The following ELFN1 variants were observed in gnomAD, a reference collection of about 807,000 sequenced individuals.
ELFN1 encodes the protein protein ELFN1.
In ELFN1, 6 loss-of-function variants were observed where a neutral mutation model predicts 7.6. That is an observed-to-expected ratio of 0.79 (90% CI 0.43 to 1.56). The LOEUF (loss-of-function observed/expected upper bound fraction) is 1.56. Among genes scored for constraint, ELFN1 ranks in the 40% most tolerant of loss-of-function variants. ELFN1 has a pLI of 0.01. For synonymous variants in ELFN1, 657 were observed against 588.1 expected (o/e 1.12, Z -1.70); for missense variants, 1,169 against 1,232.2 (o/e 0.95, Z 0.77).
intron 2 of ELFN1, chr7:1,693,629 C>T: frequency 2.1e-6 from 1 of 471,204 alleles, no homozygotes; most frequent in Non-Finnish European, 4.4e-6. Context: ...TCCGGCGGTG[C>T]CCAGTCCGTG....
chr7:1,732,200 A>G (rs1320844270), intron 3 of ELFN1, among the ~76,000 whole-genome samples: 1 of 152,174 alleles, frequency 6.6e-6, no homozygotes, highest in Non-Finnish European at 1.5e-5. Flanking sequence ...GGGGCTGAAC[A>G]GAGAAGCCCA....
chr7:1,742,586 TG>T (rs1447358999), intron 3 of ELFN1, among the ~76,000 whole-genome samples: 1 of 152,208 alleles, frequency 6.6e-6, no homozygotes. Flanking sequence ...CCGGACCACG[TG>T]GGGACCCCAT....
At chr7:1,696,102 T>TA (rs1779301804) in intron 2 of ELFN1, among the ~76,000 whole-genome samples, 1 of 152,238 alleles carries the variant, frequency 6.6e-6, no homozygotes, top group East Asian at 1.9e-4. Context: ...GGGTTGGTTC[T>TA]AGGAGGGCCA....
In ELFN1 at chr7:1,735,728, C is replaced by T. The variant is rs920051604; in HGVS notation, c.-293-8576C>T. Among the ~76,000 whole-genome samples, 3 of 152,058 alleles carry T rather than the reference C, an allele frequency of 2.0e-5. No individual in the cohort carries two copies. Among genetic ancestry groups the T allele is most frequent in the Non-Finnish European group, 4.4e-5 (3 of 67,982 alleles). The stretch of plus-strand genomic sequence containing the variant: ...GGAAAACCCACATATGTCCAGCGTG[C>T]GGCTCCATCTCCCATACTGCCTTGC... On this transcript the variant is annotated intron_variant, in intron 3 of 3. Transcript: ENST00000424383. The surrounding 1 kb of genome is among the most constrained non-coding windows in gnomAD (Gnocchi z 5.9).
Position 1,702,825 on chromosome 7 carries a change from T to C in ELFN1, c.-455-6266T>C, listed in dbSNP as rs529125955. Among the ~76,000 whole-genome samples the C allele has an allele frequency of 3.3e-5, 5 of 151,502 alleles. No individual in the cohort carries two copies. In the South Asian group the frequency reaches 6.2e-4, roughly 19 times the overall value. On this transcript the variant is annotated intron_variant, in intron 2 of 3. Transcript: ENST00000424383. ...ATTTTTGTTTCTTTTTCTTGCCTTA[T>C]TGCAATGGCTGCAGCTACTAGCACC...
chr7:1,670,377 C>A lies in ELFN1; in HGVS notation c.-549+23C>A, dbSNP rs572619218. Among the ~76,000 whole-genome samples the A allele has an allele frequency of 6.6e-6, 1 of 151,826 alleles. No individual in the cohort carries two copies. The highest frequency in any genetic ancestry group is 1.5e-5 in the Non-Finnish European group (1 of 67,848). On this transcript the variant is annotated intron_variant, in intron 1 of 3. Transcript: ENST00000424383. The surrounding 1 kb of genome is among the most constrained non-coding windows in gnomAD (Gnocchi z 6.4). ...CAGGTAAGCGGCGAGCGCGGCCGGG[C>A]GCTGAACCTGGGGGACTTGGGACCC...
upstream of ELFN1, among the ~76,000 whole-genome samples, chr7:1,666,835 G>T (rs1007936187): frequency 6.6e-6 from 1 of 151,844 alleles, no homozygotes; most frequent in Non-Finnish European, 1.5e-5. The surrounding 1 kb of genome is among the most constrained non-coding windows in gnomAD (Gnocchi z 7.9). Flanking sequence ...TTGAACCTCC[G>T]GAGGGGGTGT....
At position 1,745,180 on chromosome 7, in the gene ELFN1, C is replaced by T; in HGVS notation, c.584C>T (p.Ser195Phe). 6.5e-7 allele frequency: 1 copy of T among 1,547,892 alleles called. No individual in the cohort carries two copies. The highest frequency in any genetic ancestry group is 8.7e-7 in the Non-Finnish European group (1 of 1,146,976). The change falls in exon 4 of 4, where the codon TCC (serine) becomes TTC (phenylalanine). Residue 195 changes from serine to phenylalanine, a missense_variant. By Grantham distance (155) the Ser-to-Phe change is radical. Around this residue, in one of 2 missense-constraint regions of ELFN1, gnomAD observed 255 missense variants for 359.6 expected, o/e 0.71. Transcript: ENST00000424383. ...CELYSNPFYC[S>F]CELLGFLRWL... ...CTCTACAGCAACCCCTTCTACTGCT[C>T]CTGCGAGCTGCTGGGCTTCCTGCGC...
intron 3 of ELFN1, among the ~76,000 whole-genome samples, chr7:1,722,512 A>G (rs944629823): frequency 6.6e-6 from 1 of 151,042 alleles, no homozygotes; most frequent in African/African-American, 2.4e-5. Context: ...CTGGTGATCC[A>G]CCCCCCGCTC....
chr7:1,684,790 A>G (rs1293853251), intron 1 of ELFN1, among the ~76,000 whole-genome samples: 2 of 152,186 alleles, frequency 1.3e-5, no homozygotes, highest in Admixed American at 1.3e-4. Flanking sequence ...ATATTTCATT[A>G]ATATATGTTG....
chr7:1,720,007 A>G lies in ELFN1; in HGVS notation c.-294+10755A>G, dbSNP rs368120818. On this transcript the variant is annotated intron_variant, in intron 3 of 3. Coordinates refer to ENST00000424383, the MANE Select transcript of ELFN1 (RefSeq NM_001128636.4). ...TCACCTCTGCAAACCCTCCCCCACCATCTCCTCTGCAAACCCCAGCCCCAG... is the reference window on the plus strand; with the variant it reads ...TCACCTCTGCAAACCCTCCCCCACCGTCTCCTCTGCAAACCCCAGCCCCAG... Among the ~76,000 whole-genome samples, 111 of 135,056 alleles carry G rather than the reference A, an allele frequency of 8.2e-4. 3 individuals are homozygous for G. In the South Asian group the frequency reaches 0.027, roughly 33 times the overall value. 88.6% of individuals were successfully genotyped at this position (135,056 alleles called of 152,430 possible). A position where few individuals can be genotyped will look rare whatever the true frequency, so the allele number is the denominator to read the frequency against.
intron 3 of ELFN1, among the ~76,000 whole-genome samples, chr7:1,716,686 AC>A (rs892281793): frequency 6.6e-6 from 1 of 151,914 alleles, no homozygotes; most frequent in African/African-American, 2.4e-5. Flanking sequence ...CCCCCTGCAA[AC>A]TCAGCCCCAG....
chr7:1,712,339 C>G (rs1358183925), intron 3 of ELFN1, among the ~76,000 whole-genome samples: 1 of 152,094 alleles, frequency 6.6e-6, no homozygotes, highest in Non-Finnish European at 1.5e-5. Context: ...CCAGGGTGGT[C>G]TCGATCTCCT....
intron 3 of ELFN1, among the ~76,000 whole-genome samples, chr7:1,727,421 C>T (rs539793665): frequency 6.6e-6 from 1 of 152,248 alleles, no homozygotes; most frequent in South Asian, 2.1e-4. Flanking sequence ...TCCCTTTTCT[C>T]TTTTCCATGA....
intron 1 of ELFN1, among the ~76,000 whole-genome samples, chr7:1,679,291 G>A (rs1238370009): frequency 6.6e-6 from 1 of 152,164 alleles, no homozygotes; most frequent in Non-Finnish European, 1.5e-5. Flanking sequence ...GAGGGCCATA[G>A]CTACAGCCCA....
In ELFN1 at chr7:1,740,548, C is replaced by T. The variant is rs1383688649; in HGVS notation, c.-293-3756C>T. Reference sequence around the variant, plus strand: ...GGGCATCGAGAGTGACTTGAGTGAGCGAGCCCAGCTGGAAAGGGCTTTGGG... The same window carrying T: ...GGGCATCGAGAGTGACTTGAGTGAGTGAGCCCAGCTGGAAAGGGCTTTGGG... On this transcript the variant is annotated intron_variant, in intron 3 of 3. Transcript: ENST00000424383. The surrounding 1 kb of genome is among the most constrained non-coding windows in gnomAD (Gnocchi z 5.0). Among the ~76,000 whole-genome samples the T allele has an allele frequency of 6.6e-6, 1 of 152,154 alleles. No individual in the cohort carries two copies. Among genetic ancestry groups the T allele is most frequent in the Non-Finnish European group, 1.5e-5 (1 of 68,014 alleles).
At chr7:1,734,648 G>A (rs1009327459) in intron 3 of ELFN1, among the ~76,000 whole-genome samples, 3 of 152,162 alleles carry the variant, frequency 2.0e-5, no homozygotes, top group South Asian at 2.1e-4. Flanking sequence ...CTCCCACTCC[G>A]GGGCCTGCCT....
chr7:1,728,217 C>T (rs1780248594), intron 3 of ELFN1, among the ~76,000 whole-genome samples: 1 of 152,196 alleles, frequency 6.6e-6, no homozygotes, highest in Non-Finnish European at 1.5e-5. Flanking sequence ...TGCACTGTAG[C>T]CCTGGGAGTG....
upstream of ELFN1, among the ~76,000 whole-genome samples, chr7:1,666,498 G>T (rs1225847056): frequency 6.6e-6 from 1 of 152,058 alleles, no homozygotes; most frequent in Non-Finnish European, 1.5e-5. This position sits in a 1 kb window ranked among gnomAD's most constrained non-coding sequence, Gnocchi z 7.9. Context: ...CGGCCGCCGA[G>T]CCTGGGCCGG....
Sources: gnomAD v4.1 joint callset for allele counts (sites outside exome capture counted in the v4.1 genomes callset) on GRCh38, gnomAD v4.1.1 for gene constraint, gnomAD v4.1.1 regional missense constraint, Gnocchi (gnomAD v3.1) non-coding constraint, MANE v1.5 for transcripts, NCBI Gene and HGNC (gene_info 2026-07-23, HGNC 2026-07-21) for gene names.